Variants in EYA2 observed in about 807,000 individuals in gnomAD.
EYA2 encodes the protein protein phosphatase EYA2.
A neutral mutation model predicts 69.2 loss-of-function variants in EYA2; 31 were observed. That is an observed-to-expected ratio of 0.45 (90% CI 0.34 to 0.60). EYA2 has a LOEUF of 0.60. EYA2 is among the 20% of genes least tolerant of loss of function. The pLI, the probability that EYA2 is intolerant of heterozygous loss-of-function variation, is 0.02. For synonymous variants in EYA2, 257 were observed against 279.4 expected, an observed-to-expected ratio of 0.92 and a Z score of 0.80; for missense variants, 622 against 701.2, an observed-to-expected ratio of 0.89 and a Z score of 1.28.
intron 9 of EYA2, among the ~76,000 whole-genome samples, chr20:47,137,880 A>G (rs1465191504): frequency 4.6e-5 from 7 of 152,072 alleles, no homozygotes; most frequent in African/African-American, 1.7e-4. Flanking sequence ...TCAGTAAACT[A>G]TCGCAAGAAC....
chr20:47,118,823 A>T (rs1262764463), intron 9 of EYA2, among the ~76,000 whole-genome samples: 1 of 152,166 alleles, frequency 6.6e-6, no homozygotes, highest in African/African-American at 2.4e-5. Context: ...CACAGATTTA[A>T]CAAACACAGA....
At chr20:46,920,145 G>T (rs752738258) in intron 1 of EYA2, among the ~76,000 whole-genome samples, 2 of 151,862 alleles carry the variant, frequency 1.3e-5, no homozygotes, top group Non-Finnish European at 2.9e-5. Context: ...TTGAAATATT[G>T]AGAGAATTAC....
intron 6 of EYA2, among the ~76,000 whole-genome samples, chr20:47,073,795 A>G (rs1433954708): frequency 2.0e-5 from 3 of 152,054 alleles, no homozygotes; most frequent in Non-Finnish European, 4.4e-5. Flanking sequence ...AAGTTGATGT[A>G]TAAACCCCTC....
intron 1 of EYA2, among the ~76,000 whole-genome samples, chr20:46,938,970 C>A (rs1220087625): frequency 6.6e-6 from 1 of 152,170 alleles, no homozygotes; most frequent in African/African-American, 2.4e-5. Context: ...CAAATTCTCC[C>A]AGATGTCTCA....
In EYA2 at chr20:47,069,717, C is replaced by T. The variant is rs147551113; in HGVS notation, c.416-2468C>T. Reference sequence around the variant, plus strand: ...TTATATCAAAACATCTCATGTACCCCATAAATATATACACCTACTGTGTAC... The same window carrying T: ...TTATATCAAAACATCTCATGTACCCTATAAATATATACACCTACTGTGTAC... On this transcript the variant is annotated intron_variant, in intron 5 of 15. Transcript: ENST00000327619. Among the ~76,000 whole-genome samples, 106 of 152,082 alleles carry T rather than the reference C, an allele frequency of 7.0e-4. 1 individual carries two copies. Among genetic ancestry groups the T allele is most frequent in the African/African-American group, 2.4e-3 (99 of 41,486 alleles).
intron 1 of EYA2, among the ~76,000 whole-genome samples, chr20:46,926,071 G>A (rs1169080799): frequency 6.6e-6 from 1 of 152,144 alleles, no homozygotes; most frequent in Admixed American, 6.5e-5. Context: ...GCTACTATTC[G>A]TTTAAGAAGC....
intron 9 of EYA2, among the ~76,000 whole-genome samples, chr20:47,133,572 T>A (rs1173051394): frequency 2.0e-5 from 3 of 152,134 alleles, no homozygotes; most frequent in South Asian, 4.2e-4. Context: ...CCTCAATGAT[T>A]GACTAGAACT....
chr20:47,106,476 T>G (rs779725632), intron 9 of EYA2, among the ~76,000 whole-genome samples: 4 of 152,158 alleles, frequency 2.6e-5, no homozygotes, highest in Non-Finnish European at 4.4e-5. Flanking sequence ...TCTTTTTCCT[T>G]CCTCACCAGG....
At chr20:46,927,146 AC>A (rs1985449586) in intron 1 of EYA2, among the ~76,000 whole-genome samples, 1 of 152,218 alleles carries the variant, frequency 6.6e-6, no homozygotes, top group Non-Finnish European at 1.5e-5. Context: ...GTTTACCAAC[AC>A]ATAGGAAGGT....
At chr20:47,024,466 A>G (rs185965989) in intron 5 of EYA2, among the ~76,000 whole-genome samples, 41 of 152,292 alleles carry the variant, frequency 2.7e-4, no homozygotes, top group Non-Finnish European at 5.1e-4. Context: ...GATCTTTTCC[A>G]GTGGTTCTCT....
intron 1 of EYA2, among the ~76,000 whole-genome samples, chr20:46,936,682 A>G (rs1420094128): frequency 6.6e-6 from 1 of 152,046 alleles, no homozygotes; most frequent in Non-Finnish European, 1.5e-5. Flanking sequence ...ATCAGACTCA[A>G]ACCCTTCTCC....
intron 9 of EYA2, among the ~76,000 whole-genome samples, chr20:47,122,725 TCTG>T (rs2033085630): frequency 6.6e-6 from 1 of 152,100 alleles, no homozygotes; most frequent in Non-Finnish European, 1.5e-5. Context: ...ATGGGCCAAA[TCTG>T]CTCCCTCCCC....
intron 1 of EYA2, among the ~76,000 whole-genome samples, chr20:46,936,046 A>T (rs1985894571): frequency 6.6e-6 from 1 of 152,180 alleles, no homozygotes; most frequent in Non-Finnish European, 1.5e-5. Flanking sequence ...CTGAGTGTAT[A>T]TATAATGCAA....
chr20:47,089,908 G>T lies in EYA2; in HGVS notation c.804+527G>T, dbSNP rs183579994. Among the ~76,000 whole-genome samples the T allele has an allele frequency of 4.5e-4, 68 of 152,090 alleles. 1 individual carries two copies. Among genetic ancestry groups the T allele is most frequent in the Middle Eastern group, 6.8e-3 (2 of 294 alleles). ...TGAAAAGACTCACTGGAGGAACTAGGGGGGAGGAGGGGAGTTTTAAACATT... is the reference window on the plus strand; with the variant it reads ...TGAAAAGACTCACTGGAGGAACTAGTGGGGAGGAGGGGAGTTTTAAACATT... On this transcript the variant is annotated intron_variant, in intron 8 of 15. Coordinates refer to ENST00000327619, the MANE Select transcript of EYA2 (RefSeq NM_005244.5).
chr20:47,144,080 G>A (rs183042244), intron 10 of EYA2, among the ~76,000 whole-genome samples: 47 of 152,308 alleles, frequency 3.1e-4, no homozygotes, highest in Admixed American at 2.5e-3. Flanking sequence ...GCAACCGGCC[G>A]GGCGCGGTGG....
intron 1 of EYA2, among the ~76,000 whole-genome samples, chr20:46,922,319 C>G (rs1450715270): frequency 1.3e-5 from 2 of 152,116 alleles, no homozygotes; most frequent in Non-Finnish European, 2.9e-5. Flanking sequence ...TAGAAAATCT[C>G]TGGTAGATAA....
At chr20:47,172,921 G>A in intron 12 of EYA2, 54 bp downstream of exon 12, 1 of 1,552,818 alleles carries the variant, frequency 6.4e-7, no homozygotes, top group South Asian at 1.2e-5. Context: ...TGGGATGGAT[G>A]CTGTCAGTGT....
intron 1 of EYA2, among the ~76,000 whole-genome samples, chr20:46,931,501 G>A (rs1440063371): frequency 6.6e-6 from 1 of 152,172 alleles, no homozygotes; most frequent in Non-Finnish European, 1.5e-5. Context: ...TTTCTTCTCT[G>A]TAAAATGGAA....
At chr20:47,000,639 ATCCCC>A (rs1430820076) in intron 2 of EYA2, among the ~76,000 whole-genome samples, 1 of 152,194 alleles carries the variant, frequency 6.6e-6, no homozygotes, top group Non-Finnish European at 1.5e-5. Context: ...ATGTAAAATT[ATCCCC>A]GGGCAAACGT....
Sources: gnomAD v4.1 joint callset for allele counts (sites outside exome capture counted in the v4.1 genomes callset) on GRCh38, gnomAD v4.1.1 for gene constraint, MANE v1.5 for transcripts, NCBI Gene and HGNC (gene_info 2026-07-23, HGNC 2026-07-21) for gene names.